Variants in CDC14B observed in about 807,000 individuals in gnomAD.
CDC14B encodes the protein cell division cycle 14B.
A neutral mutation model predicts 64.2 loss-of-function variants in CDC14B; 22 were observed. The ratio of observed to expected loss-of-function variants is 0.34; its 90% CI spans 0.24 to 0.49. The LOEUF (loss-of-function observed/expected upper bound fraction) is 0.49, where lower values mean the gene tolerates loss of function less well. CDC14B is among the 20% of genes least tolerant of loss of function. CDC14B has a pLI of 0.99. For synonymous variants in CDC14B, 191 were observed against 215.8 expected, an observed-to-expected ratio of 0.89 and a Z score of 1.01; for missense variants, 498 against 629.9, an observed-to-expected ratio of 0.79 and a Z score of 2.24.
At chr9:96,565,667 C>T (rs1161174743) in intron 1 of CDC14B, among the ~76,000 whole-genome samples, 184 bp from the exon 2 acceptor site, 1 of 152,160 alleles carries the variant, frequency 6.6e-6, no homozygotes, top group African/African-American at 2.4e-5. Context: ...TCAATGAGCA[C>T]ATTTTTAAAA....
chr9:96,533,411 C>T (rs925981440), intron 9 of CDC14B, among the ~76,000 whole-genome samples: 1 of 152,160 alleles, frequency 6.6e-6, no homozygotes, highest in African/African-American at 2.4e-5. Context: ...GATCAGTCTC[C>T]CCCTTTCCCC....
intron 12 of CDC14B, among the ~76,000 whole-genome samples, chr9:96,519,509 G>A (rs1306247599): frequency 6.6e-6 from 1 of 152,052 alleles, no homozygotes; most frequent in Non-Finnish European, 1.5e-5. Flanking sequence ...GCTGAGGTGG[G>A]TGTACCACTT....
intron 11 of CDC14B, among the ~76,000 whole-genome samples, 179 bp from the exon 12 acceptor site, chr9:96,522,782 GAC>G (rs961404678): frequency 6.6e-6 from 1 of 152,170 alleles, no homozygotes; most frequent in Non-Finnish European, 1.5e-5. Flanking sequence ...GACTTTCAGA[GAC>G]AACACAGCAG....
intron 3 of CDC14B, among the ~76,000 whole-genome samples, chr9:96,563,739 T>C (rs988630611): frequency 2.0e-5 from 3 of 151,434 alleles, no homozygotes; most frequent in South Asian, 2.1e-4. Flanking sequence ...CCACAGATGG[T>C]TGAGTACAGG....
At chr9:96,546,210 G>A (rs1389303630) in intron 5 of CDC14B, among the ~76,000 whole-genome samples, 1 of 152,162 alleles carries the variant, frequency 6.6e-6, no homozygotes, top group African/African-American at 2.4e-5. Context: ...AGACTGGAAT[G>A]CTACAAAAGG....
intron 9 of CDC14B, 22 bp from the exon 10 acceptor site, chr9:96,523,747 G>T: frequency 6.2e-7 from 1 of 1,605,892 alleles, no homozygotes; most frequent in East Asian, 2.2e-5. Flanking sequence ...AAGAAGCACA[G>T]AAATGAAACT....
At chr9:96,605,774 T>A (rs564659721) in intron 1 of CDC14B, among the ~76,000 whole-genome samples, 1 of 151,980 alleles carries the variant, frequency 6.6e-6, no homozygotes, top group Non-Finnish European at 1.5e-5. Context: ...GGCTGGAGAA[T>A]CGTTTGAACC....
At chr9:96,615,230 T>C (rs937040589) in intron 1 of CDC14B, among the ~76,000 whole-genome samples, 7 of 152,168 alleles carry the variant, frequency 4.6e-5, no homozygotes, top group African/African-American at 1.7e-4. Context: ...TCATTGCACA[T>C]GGCAAGAGGT....
chr9:96,551,646 T>C, intron 5 of CDC14B, 150 bp downstream of exon 5: 1 of 1,083,006 alleles, frequency 9.2e-7, no homozygotes, highest in Non-Finnish European at 1.3e-6. Flanking sequence ...ACGTCAACAG[T>C]GTCACTGTGG....
chr9:96,587,172 C>T (rs571428244), intron 1 of CDC14B, among the ~76,000 whole-genome samples: 73 of 150,638 alleles, frequency 4.8e-4, no homozygotes, highest in African/African-American at 1.6e-3. Context: ...GACTCTGTCT[C>T]GAAAACAAAA....
At chr9:96,568,046 G>A (rs1844218474) in intron 1 of CDC14B, among the ~76,000 whole-genome samples, 1 of 152,132 alleles carries the variant, frequency 6.6e-6, no homozygotes, top group Admixed American at 6.5e-5. Context: ...GCATAAGCAT[G>A]ATCTCAGTTG....
At chr9:96,601,794 GAAAA>G (rs35472518) in intron 1 of CDC14B, among the ~76,000 whole-genome samples, 2 of 68,224 alleles carry the variant, frequency 2.9e-5, no homozygotes, top group African/African-American at 5.4e-5. Flanking sequence ...ACGCTGTCTC[GAAAA>G]AAAAAAAAAA....
chr9:96,607,556 G>C (rs1847049142), intron 1 of CDC14B, among the ~76,000 whole-genome samples: 1 of 151,684 alleles, frequency 6.6e-6, no homozygotes, highest in South Asian at 2.1e-4. Context: ...GAGTAGCTGG[G>C]ACTACAGGTG....
At chr9:96,606,856 G>A (rs1046208231) in intron 1 of CDC14B, among the ~76,000 whole-genome samples, 9 of 151,816 alleles carry the variant, frequency 5.9e-5, no homozygotes, top group African/African-American at 1.7e-4. Flanking sequence ...GTGAGCCACC[G>A]TGCCTGGCCT....
chr9:96,610,607 G>A (rs1847249511), intron 1 of CDC14B, among the ~76,000 whole-genome samples: 1 of 150,556 alleles, frequency 6.6e-6, no homozygotes. Flanking sequence ...ATATAAATCT[G>A]TCTATTAGTC....
chr9:96,601,140 A>T (rs998800348), intron 1 of CDC14B, among the ~76,000 whole-genome samples: 1 of 151,004 alleles, frequency 6.6e-6, no homozygotes, highest in Non-Finnish European at 1.5e-5. Flanking sequence ...CTCCCTCTCA[A>T]AAAAAAAAGT....
At chr9:96,539,593 C>T (rs1839764031) in intron 6 of CDC14B, among the ~76,000 whole-genome samples, 1 of 152,054 alleles carries the variant, frequency 6.6e-6, no homozygotes, top group South Asian at 2.1e-4. Context: ...CAAACAAAAC[C>T]CTCATACTTC....
chr9:96,513,927 G>C (rs1464789609), intron 12 of CDC14B, among the ~76,000 whole-genome samples: 3 of 152,248 alleles, frequency 2.0e-5, no homozygotes, highest in Non-Finnish European at 2.9e-5. Flanking sequence ...CAGCAGAGGT[G>C]GGTGGTGATG....
At chr9:96,577,876 C>T (rs1355373571) in intron 1 of CDC14B, among the ~76,000 whole-genome samples, 2 of 152,096 alleles carry the variant, frequency 1.3e-5, no homozygotes, top group East Asian at 3.9e-4. Flanking sequence ...ACACTGAAAA[C>T]AGCCCAAATG....
Sources: gnomAD v4.1 joint callset for allele counts (sites outside exome capture counted in the v4.1 genomes callset) on GRCh38, gnomAD v4.1.1 for gene constraint, MANE v1.5 for transcripts, NCBI Gene and HGNC (gene_info 2026-07-23, HGNC 2026-07-21) for gene names.